The following CCL11 variants were observed in gnomAD, a reference collection of about 807,000 sequenced individuals.
CCL11 encodes the protein eotaxin.
In CCL11, 7 loss-of-function variants were observed where a neutral mutation model predicts 7.3. That is an observed-to-expected ratio of 0.96 (90% CI 0.55 to 1.81). CCL11 has a LOEUF of 1.81. Among genes scored for constraint, CCL11 ranks in the 40% most tolerant of loss-of-function variants. The pLI, the probability that CCL11 is intolerant of heterozygous loss-of-function variation, is 0.00. For missense variants in CCL11, 132 were observed against 114.2 expected (o/e 1.16, Z -0.71); for synonymous variants, 66 against 45.2 (o/e 1.46, Z -1.84).
chr17:34,287,594 C>A lies in CCL11; in HGVS notation c.198C>A (p.Thr66=), dbSNP rs756537343. The A allele has an allele frequency of 5.0e-6, 8 of 1,612,952 alleles. No individual in the cohort carries two copies. The African/African-American group carries it at 9.4e-5, about 19-fold the overall frequency. ...CCTGTATCTCCCACAGCTTCAAGAC[C>A]AAACTGGCCAAGGATATCTGTGCCG... ...KCPQKAVIFK[T]KLAKDICADP... The change falls in exon 3 of 3, where the codon ACC becomes ACA. Residue 66 remains threonine, a synonymous_variant. Transcript: ENST00000305869.
chr17:34,286,915 C>T (rs1390509146), intron 1 of CCL11, among the ~76,000 whole-genome samples, 181 bp from the exon 2 acceptor site: 1 of 152,148 alleles, frequency 6.6e-6, no homozygotes, highest in Non-Finnish European at 1.5e-5. Context: ...GGGGAGGATG[C>T]TGAAGACACA....
chr17:34,287,342 C>G (rs1023087954), intron 2 of CCL11, 135 bp downstream of exon 2: 2 of 689,740 alleles, frequency 2.9e-6, no homozygotes, highest in African/African-American at 1.8e-5. Flanking sequence ...TTAATTTTCA[C>G]AAGTGAGTGT....
At position 34,287,756 on chromosome 17, in the gene CCL11, A is replaced by G. The variant is rs1482806563; in HGVS notation, c.*66A>G. On this transcript the variant is annotated 3_prime_UTR_variant, in exon 3 of 3. Transcript: ENST00000305869. ...GCCTAATTTGTTTTCCCTTCTTACA[A>G]TGCATTCTGAGGTAACCTCATTATC... 2.2e-5 allele frequency: 22 copies of G among 978,350 alleles called. No homozygotes were observed. The highest frequency in any genetic ancestry group is 1.6e-4 in the African/African-American group (10 of 62,296). 60.6% of individuals were successfully genotyped at this position (978,350 alleles called of 1,614,324 possible). A position where few individuals can be genotyped will look rare whatever the true frequency, so the allele number is the denominator to read the frequency against.
rs769555306 is a variant in CCL11, at chr17:34,287,622, C to A, written c.226C>A (p.Pro76Thr). The A allele has an allele frequency of 1.1e-5, 17 of 1,613,722 alleles. No individual in the cohort carries two copies. Among genetic ancestry groups the A allele is most frequent in the Non-Finnish European group, 1.4e-5 (17 of 1,179,928 alleles). The change falls in exon 3 of 3, where the codon CCC becomes ACC. Residue 76 changes from proline to threonine, a missense_variant. Physicochemically the swap from Pro to Thr is conservative, Grantham distance 38. Transcript: ENST00000305869. ...ACTGGCCAAGGATATCTGTGCCGAC[C>A]CCAAGAAGAAGTGGGTGCAGGATTC... ...TKLAKDICAD[P>T]KKKWVQDSMK...
At chr17:34,285,922 C>A (rs773852009) in intron 1 of CCL11, 38 bp downstream of exon 1, 2 of 1,416,486 alleles carry the variant, frequency 1.4e-6, no homozygotes, top group African/African-American at 1.4e-5. Flanking sequence ...GGTAAGGTAA[C>A]CACCTCCAGA....
chr17:34,287,236 G>A, intron 2 of CCL11, 29 bp downstream of exon 2: 1 of 1,494,716 alleles, frequency 6.7e-7, no homozygotes. Context: ...CCCTCCCCTA[G>A]ACAAAAAAAT....
Position 34,287,827 on chromosome 17 carries a change from T to TAAAAA in CCL11, c.*143_*147dup, listed in dbSNP as rs35429363. The TAAAAA allele has an allele frequency of 3.8e-5, 11 of 287,168 alleles. No homozygotes were observed. The highest frequency in any genetic ancestry group is 4.9e-5 in the Non-Finnish European group (8 of 162,740). 17.8% of individuals were successfully genotyped at this position (287,168 alleles called of 1,614,324 possible). On this transcript the variant is annotated 3_prime_UTR_variant, in exon 3 of 3. Transcript: ENST00000305869. ...TATTATATATATATATTTTTTTTTT[T>TAAAAA]AAAAAAAAAACGTATTGCATTTAAT... is the stretch of plus-strand genomic sequence containing the variant.
chr17:34,285,783 C>T lies in CCL11; in HGVS notation c.-26C>T. The T allele has an allele frequency of 6.3e-7, 1 of 1,595,694 alleles. No homozygotes were observed. The highest frequency in any genetic ancestry group is 1.1e-5 in the South Asian group (1 of 89,442). ...ACCCAGAAACCACCACCTCTCACGC[C>T]AAAGCTCACACCTTCAGCCTCCAAC... is the stretch of plus-strand genomic sequence containing the variant. On this transcript the variant is annotated 5_prime_UTR_variant, in exon 1 of 3. Coordinates refer to ENST00000305869, the MANE Select transcript of CCL11 (RefSeq NM_002986.3).
rs1908654538 is a variant in CCL11 at position 34,287,090 on chromosome 17, A to G, written c.77-6A>G. ...TCTCTGTTCATTTTTTTTCCCCAAA[A>G]TTCAGCTTCTGTCCCAACCACCTGC... On this transcript the variant is annotated splice_polypyrimidine_tract_variant and splice_region_variant and intron_variant, in intron 1 of 2. Coordinates refer to ENST00000305869, the MANE Select transcript of CCL11 (RefSeq NM_002986.3). The G allele has an allele frequency of 1.2e-6, 2 of 1,606,748 alleles. No homozygotes were observed. The highest frequency in any genetic ancestry group is 2.7e-5 in the African/African-American group (2 of 74,654).
intron 1 of CCL11, among the ~76,000 whole-genome samples, chr17:34,286,631 TTG>T: frequency 6.6e-6 from 1 of 152,348 alleles, no homozygotes; most frequent in South Asian, 2.1e-4. Flanking sequence ...CTCAGGAGTC[TTG>T]CATAGGCAAT....
At chr17:34,287,042 T>G in intron 1 of CCL11, 54 bp from the exon 2 acceptor site, 1 of 1,155,034 alleles carries the variant, frequency 8.7e-7, no homozygotes. Context: ...AATGTCTATG[T>G]ATCATCATGT....
At position 34,288,295 on chromosome 17, in the gene CCL11, C is replaced by A. The variant is rs1238746825; in HGVS notation, c.*605C>A. 1 of 152,194 alleles carries A rather than the reference C, an allele frequency of 6.6e-6. No individual in the cohort carries two copies. The highest frequency in any genetic ancestry group is 1.5e-5 in the Non-Finnish European group (1 of 68,074). The allele number at this position is 152,194 out of a possible 1,614,324, so 9.4% of individuals were successfully genotyped here. On this transcript the variant is annotated 3_prime_UTR_variant, in exon 3 of 3. Coordinates refer to ENST00000305869, the MANE Select transcript of CCL11 (RefSeq NM_002986.3). ...TGAAATGCAGGGTGAAACTGACAAA[C>A]CCATTCCAGCCCTCTATTCCCATTT...
intron 2 of CCL11, among the ~76,000 whole-genome samples, 173 bp downstream of exon 2, chr17:34,287,380 T>TGCTG (rs1319867992): frequency 6.6e-6 from 1 of 152,166 alleles, no homozygotes; most frequent in Non-Finnish European, 1.5e-5. Context: ...CCTGGGAGAT[T>TGCTG]GCTGTAGTCA....
rs1213771436 is a variant in CCL11, at chr17:34,287,837, AC to A, written c.*148del. The A allele has an allele frequency of 1.0e-5, 3 of 299,856 alleles. No homozygotes were observed. The highest frequency in any genetic ancestry group is 1.6e-4 in the South Asian group (1 of 6,354). The allele number at this position is 299,856 out of a possible 1,614,324, so 18.6% of individuals were successfully genotyped here. On this transcript the variant is annotated 3_prime_UTR_variant, in exon 3 of 3. Coordinates refer to ENST00000305869, the MANE Select transcript of CCL11 (RefSeq NM_002986.3). The stretch of plus-strand genomic sequence containing the variant: ...ATATATTTTTTTTTTTAAAAAAAAA[AC>A]GTATTGCATTTAATTTATTGAGGCT...
In CCL11 at chr17:34,287,725, A is replaced by T; in HGVS notation, c.*35A>T. On this transcript the variant is annotated 3_prime_UTR_variant, in exon 3 of 3. Coordinates refer to ENST00000305869, the MANE Select transcript of CCL11 (RefSeq NM_002986.3). ...ATTTTTGAAACCAAACCAGAGCCTG[A>T]GTGTTGCCTAATTTGTTTTCCCTTC... is the stretch of plus-strand genomic sequence containing the variant. 7.1e-7 allele frequency: 1 copy of T among 1,402,310 alleles called. No individual in the cohort carries two copies. The highest frequency in any genetic ancestry group is 1.0e-6 in the Non-Finnish European group (1 of 990,284). 86.9% of individuals were successfully genotyped at this position (1,402,310 alleles called of 1,614,324 possible). A position where few individuals can be genotyped will look rare whatever the true frequency, so the allele number is the denominator to read the frequency against.
At chr17:34,286,505 T>C (rs1908637166) in intron 1 of CCL11, among the ~76,000 whole-genome samples, 1 of 152,240 alleles carries the variant, frequency 6.6e-6, no homozygotes, top group African/African-American at 2.4e-5. Context: ...TTGTACTAAA[T>C]ATCTATAATG....
At chr17:34,286,702 A>G (rs1908642186) in intron 1 of CCL11, among the ~76,000 whole-genome samples, 2 of 152,252 alleles carry the variant, frequency 1.3e-5, no homozygotes, top group South Asian at 4.1e-4. Context: ...GATCAAAACT[A>G]ATTAATGCCT....
rs190489401 is a variant in CCL11 at position 34,287,271 on chromosome 17, A to G, written c.188+64A>G. 126 of 1,174,216 alleles carry G rather than the reference A, an allele frequency of 1.1e-4. 1 individual carries two copies. In the Middle Eastern group the frequency reaches 2.1e-3, roughly 20 times the overall value. 72.7% of individuals were successfully genotyped at this position (1,174,216 alleles called of 1,614,324 possible). A position where few individuals can be genotyped will look rare whatever the true frequency, so the allele number is the denominator to read the frequency against. ...TAATGTCTAGGGCACAGAGTCAAGA[A>G]CTGTGTCACAGTTGCTGGGAGTCAT... On this transcript the variant is annotated intron_variant, in intron 2 of 2. Transcript: ENST00000305869.
rs201654151 is a variant in CCL11 at position 34,287,817 on chromosome 17, T to TA, written c.*127_*128insA. 0.25 allele frequency: 59,631 copies of TA among 241,770 alleles called. 5,484 individuals are homozygous for TA. The highest frequency in any genetic ancestry group is 0.36 in the African/African-American group (7,769 of 21,640). The allele number at this position is 241,770 out of a possible 1,614,324, so 15.0% of individuals were successfully genotyped here. ...GCATGGGTTTTATTATATATATATA[T>TA]TTTTTTTTTTAAAAAAAAAACGTAT... On this transcript the variant is annotated 3_prime_UTR_variant, in exon 3 of 3. Transcript: ENST00000305869.
Sources: allele counts gnomAD v4.1 joint callset (sites outside exome capture counted in the v4.1 genomes callset), GRCh38; gene constraint gnomAD v4.1.1; transcripts MANE v1.5; gene names NCBI Gene and HGNC (gene_info 2026-07-23, HGNC 2026-07-21).